RAPGEF2: variants seen among roughly 807,000 people sequenced by gnomAD.
The protein encoded by RAPGEF2 is Rap guanine nucleotide exchange factor 2, also known as PDZ domain containing guanine nucleotide exchange factor (GEF) 1.
In RAPGEF2, 54 loss-of-function variants were observed where a neutral mutation model predicts 186.7. The observed-to-expected ratio is 0.29, with a 90% confidence interval of 0.23 to 0.36. The LOEUF (loss-of-function observed/expected upper bound fraction) is 0.36. Among genes scored for constraint, RAPGEF2 ranks in the 10% least tolerant of loss-of-function variants. RAPGEF2 has a pLI of 1.00. For missense variants in RAPGEF2, 1,532 were observed against 2,045.0 expected, an observed-to-expected ratio of 0.75 and a Z score of 4.84; for synonymous variants, 712 against 705.9, an observed-to-expected ratio of 1.01 and a Z score of -0.14.
chr4:159,218,745 G>A (rs908586056), intron 4 of RAPGEF2, among the ~76,000 whole-genome samples: 3 of 151,572 alleles, frequency 2.0e-5, no homozygotes, highest in East Asian at 3.9e-4. Context: ...GCAACAGAGC[G>A]AGACTCCATC....
intron 7 of RAPGEF2, among the ~76,000 whole-genome samples, chr4:159,264,181 A>G (rs1342656078): frequency 1.6e-4 from 25 of 152,160 alleles, no homozygotes; most frequent in Admixed American, 1.6e-3. Flanking sequence ...ATTGTGTTTC[A>G]ACATACAAGA....
intron 4 of RAPGEF2, among the ~76,000 whole-genome samples, chr4:159,231,292 G>A (rs930427352): frequency 4.6e-5 from 7 of 151,936 alleles, no homozygotes; most frequent in African/African-American, 1.4e-4. Flanking sequence ...CAGTAAAATC[G>A]CCAAACAACA....
intron 3 of RAPGEF2, among the ~76,000 whole-genome samples, chr4:159,208,018 A>C (rs1287363310): frequency 6.6e-6 from 1 of 152,180 alleles, no homozygotes; most frequent in African/African-American, 2.4e-5. Flanking sequence ...TTCACTTTAG[A>C]AATCTTTTTA....
intron 7 of RAPGEF2, among the ~76,000 whole-genome samples, chr4:159,279,241 C>T (rs1229731071): frequency 2.0e-5 from 3 of 152,220 alleles, no homozygotes; most frequent in Non-Finnish European, 2.9e-5. Flanking sequence ...GTAACTTTCT[C>T]ACAGTCACAA....
intron 1 of RAPGEF2, among the ~76,000 whole-genome samples, chr4:159,116,780 C>T (rs181107628): frequency 1.8e-4 from 27 of 152,284 alleles, no homozygotes; most frequent in African/African-American, 5.5e-4. Flanking sequence ...AGCCATTATC[C>T]TCAGTAAACT....
chr4:159,261,168 TCTC>T (rs1163837567), intron 7 of RAPGEF2, among the ~76,000 whole-genome samples: 1 of 152,104 alleles, frequency 6.6e-6, no homozygotes, highest in Non-Finnish European at 1.5e-5. Context: ...TTCACGCCAT[TCTC>T]CTGCCTCAGC....
rs142011721 is a variant in RAPGEF2 at position 159,194,557 on chromosome 4, A to T, written c.197+1301A>T. On this transcript the variant is annotated intron_variant, in intron 3 of 29. Transcript: ENST00000691494. Reference sequence around the variant, plus strand: ...TTTTGAAGTAAATCCCAGACAGCACAGTTCATCCATAATTATTATGATATG... The same window carrying T: ...TTTTGAAGTAAATCCCAGACAGCACTGTTCATCCATAATTATTATGATATG... Among the ~76,000 whole-genome samples, 615 of 152,328 alleles carry T rather than the reference A, an allele frequency of 4.0e-3. 3 individuals are homozygous for T. The highest frequency in any genetic ancestry group is 0.014 in the African/African-American group (576 of 41,572).
intron 1 of RAPGEF2, among the ~76,000 whole-genome samples, chr4:159,146,295 A>T (rs1003927197): frequency 1.3e-5 from 2 of 152,142 alleles, no homozygotes; most frequent in Non-Finnish European, 2.9e-5. Flanking sequence ...TTTTGGTTTA[A>T]TAAATTATGC....
intron 7 of RAPGEF2, among the ~76,000 whole-genome samples, chr4:159,298,413 A>T (rs1359130885): frequency 6.6e-6 from 1 of 152,160 alleles, no homozygotes; most frequent in Non-Finnish European, 1.5e-5. Context: ...TAAAAGTCCA[A>T]ATGTTTACTT....
chr4:159,226,279 T>C (rs1396717141), intron 4 of RAPGEF2, among the ~76,000 whole-genome samples: 1 of 152,188 alleles, frequency 6.6e-6, no homozygotes, highest in African/African-American at 2.4e-5. Flanking sequence ...TTGTTTAAAA[T>C]CAATTAATTG....
chr4:159,345,973 G>A (rs1730252655), intron 24 of RAPGEF2, among the ~76,000 whole-genome samples: 1 of 152,066 alleles, frequency 6.6e-6, no homozygotes, highest in African/African-American at 2.4e-5. Flanking sequence ...AATTTAGATA[G>A]GTGATTTGAG....
At chr4:159,339,079 T>C (rs759065343) in intron 18 of RAPGEF2, 35 bp from the exon 19 acceptor site, 5 of 1,588,092 alleles carry the variant, frequency 3.1e-6, no homozygotes, top group Non-Finnish European at 4.3e-6. Context: ...ATTAAAATTC[T>C]TTCTACTTAT....
intron 11 of RAPGEF2, chr4:159,329,366 A>C (rs1160112758): frequency 6.6e-6 from 1 of 152,372 alleles, no homozygotes; most frequent in Non-Finnish European, 1.5e-5. Context: ...GCTTTCTAAA[A>C]TGGTGTTTCA....
intron 7 of RAPGEF2, among the ~76,000 whole-genome samples, chr4:159,291,179 G>A (rs1761171071): frequency 6.6e-6 from 1 of 152,170 alleles, no homozygotes; most frequent in South Asian, 2.1e-4. Context: ...GGTGGTTGTT[G>A]CATAAAATCT....
chr4:159,323,385 A>G, intron 10 of RAPGEF2, 74 bp from the exon 11 acceptor site: 1 of 1,233,440 alleles, frequency 8.1e-7, no homozygotes, highest in East Asian at 2.6e-5. Flanking sequence ...ATTCATTTTT[A>G]GGGACCATAC....
intron 1 of RAPGEF2, among the ~76,000 whole-genome samples, chr4:159,123,829 G>A (rs1048774231): frequency 4.6e-5 from 7 of 150,844 alleles, no homozygotes; most frequent in East Asian, 2.0e-4. Flanking sequence ...GATTTTTATC[G>A]TTTTACTTTT....
intron 7 of RAPGEF2, chr4:159,267,427 T>C: frequency 1.1e-6 from 1 of 876,994 alleles, no homozygotes; most frequent in Non-Finnish European, 1.6e-6. Context: ...GGCATGCTTG[T>C]GTTGAGTGTG....
intron 1 of RAPGEF2, among the ~76,000 whole-genome samples, chr4:159,138,861 T>C (rs1160637202): frequency 1.3e-5 from 2 of 152,194 alleles, no homozygotes; most frequent in African/African-American, 4.8e-5. Context: ...ACTCCTAAAT[T>C]ATAGTTTATA....
At chr4:159,330,204 T>C in intron 12 of RAPGEF2, 130 bp from the exon 13 acceptor site, 2 of 827,820 alleles carry the variant, frequency 2.4e-6, no homozygotes, top group Non-Finnish European at 3.7e-6. Context: ...ATTCATTTTA[T>C]GTTGAATGTT....
Sources: gnomAD v4.1 joint callset for allele counts (sites outside exome capture counted in the v4.1 genomes callset) on GRCh38, gnomAD v4.1.1 for gene constraint, MANE v1.5 for transcripts, NCBI Gene and HGNC (gene_info 2026-07-23, HGNC 2026-07-21) for gene names.